Variants in GRID2 observed in about 807,000 individuals in gnomAD.
The protein encoded by GRID2 is glutamate receptor ionotropic, delta-2.
A neutral mutation model predicts 114.8 loss-of-function variants in GRID2; 33 were observed. The ratio of observed to expected loss-of-function variants is 0.29; its 90% CI spans 0.22 to 0.38. The LOEUF (loss-of-function observed/expected upper bound fraction) is 0.38. Ranked by LOEUF, GRID2 falls within the 10% of genes least tolerant of loss-of-function variation. The pLI is 1.00. For synonymous variants in GRID2, 505 were observed against 449.9 expected, an observed-to-expected ratio of 1.12 and a Z score of -1.55; for missense variants, 1,184 against 1,257.7, an observed-to-expected ratio of 0.94 and a Z score of 0.89.
intron 14 of GRID2, among the ~76,000 whole-genome samples, chr4:93,719,404 CTT>C (rs910068307): frequency 6.8e-6 from 1 of 146,706 alleles, no homozygotes; most frequent in African/African-American, 2.5e-5. Flanking sequence ...ATCCAAGGGA[CTT>C]TTTTTTTTAA....
chr4:93,481,828 C>A (rs899523073), intron 11 of GRID2, among the ~76,000 whole-genome samples: 1 of 151,854 alleles, frequency 6.6e-6, no homozygotes, highest in Non-Finnish European at 1.5e-5. Flanking sequence ...TGGAGAGGGA[C>A]AGCAAAAATG....
chr4:92,557,063 A>C (rs1224615706), intron 1 of GRID2, among the ~76,000 whole-genome samples: 1 of 152,190 alleles, frequency 6.6e-6, no homozygotes, highest in East Asian at 1.9e-4. Context: ...TTAATTTTAT[A>C]AGGAGAAACC....
chr4:93,692,937 C>T (rs1486820706), intron 14 of GRID2, among the ~76,000 whole-genome samples: 1 of 152,066 alleles, frequency 6.6e-6, no homozygotes, highest in African/African-American at 2.4e-5. Flanking sequence ...TTATGATTGC[C>T]TACAAGTATC....
At chr4:92,321,358 G>A (rs1726305088) in intron 1 of GRID2, among the ~76,000 whole-genome samples, 1 of 152,220 alleles carries the variant, frequency 6.6e-6, no homozygotes, top group Non-Finnish European at 1.5e-5. Flanking sequence ...AGCAGAGGCA[G>A]TGTGCTTGTG....
At chr4:93,682,578 A>G (rs1437453106) in intron 14 of GRID2, among the ~76,000 whole-genome samples, 1 of 152,166 alleles carries the variant, frequency 6.6e-6, no homozygotes, top group Non-Finnish European at 1.5e-5. Context: ...TGGGACATAT[A>G]CACCATGGAA....
intron 4 of GRID2, among the ~76,000 whole-genome samples, chr4:93,205,164 A>C (rs947966304): frequency 4.6e-5 from 7 of 152,144 alleles, no homozygotes; most frequent in African/African-American, 1.7e-4. Flanking sequence ...TGTTTAAAGT[A>C]AAACAATCAG....
intron 2 of GRID2, among the ~76,000 whole-genome samples, chr4:92,632,673 A>G (rs1730864719): frequency 6.6e-6 from 1 of 151,786 alleles, no homozygotes; most frequent in Non-Finnish European, 1.5e-5. Flanking sequence ...GAAGTGAAGA[A>G]AGGAAAGGAA....
intron 2 of GRID2, among the ~76,000 whole-genome samples, chr4:92,626,930 G>T (rs969981412): frequency 2.0e-5 from 3 of 151,900 alleles, no homozygotes; most frequent in African/African-American, 7.3e-5. Flanking sequence ...CAACCAGCCA[G>T]AATCAGGAGA....
intron 7 of GRID2, among the ~76,000 whole-genome samples, chr4:93,231,271 A>G (rs923305413): frequency 1.3e-5 from 2 of 151,574 alleles, no homozygotes; most frequent in East Asian, 1.9e-4. Context: ...TACTGAAACA[A>G]TTTTCAACAG....
chr4:92,546,412 A>G (rs1726263800), intron 1 of GRID2, among the ~76,000 whole-genome samples: 1 of 152,176 alleles, frequency 6.6e-6, no homozygotes. Context: ...ACGGCCCATA[A>G]AAAGAGTGTT....
intron 14 of GRID2, among the ~76,000 whole-genome samples, chr4:93,723,160 T>A (rs1729539791): frequency 6.6e-6 from 1 of 152,348 alleles, no homozygotes; most frequent in East Asian, 1.9e-4. Flanking sequence ...TTTTCCATAG[T>A]GTTTTATACC....
At chr4:93,308,310 A>G (rs1227441928) in intron 8 of GRID2, among the ~76,000 whole-genome samples, 1 of 152,138 alleles carries the variant, frequency 6.6e-6, no homozygotes, top group Non-Finnish European at 1.5e-5. Flanking sequence ...GTGGTTTCGA[A>G]AGTGTCTAGC....
chr4:93,141,748 A>G (rs1157387875), intron 4 of GRID2, among the ~76,000 whole-genome samples: 2 of 152,224 alleles, frequency 1.3e-5, no homozygotes, highest in Non-Finnish European at 2.9e-5. Flanking sequence ...GCTTTGGAAC[A>G]TGGCTTGTGA....
intron 1 of GRID2, among the ~76,000 whole-genome samples, chr4:92,493,931 G>A (rs1388460250): frequency 2.0e-5 from 3 of 152,140 alleles, no homozygotes; most frequent in Non-Finnish European, 2.9e-5. Context: ...TTTAGTTTAC[G>A]TATAAGACAC....
intron 8 of GRID2, among the ~76,000 whole-genome samples, chr4:93,306,573 GA>G (rs1755448088): frequency 6.6e-6 from 1 of 152,186 alleles, no homozygotes; most frequent in African/African-American, 2.4e-5. Context: ...TGAGATGAAA[GA>G]AAGATAGGAA....
At chr4:93,181,443 C>T (rs1341611007) in intron 4 of GRID2, among the ~76,000 whole-genome samples, 1 of 152,128 alleles carries the variant, frequency 6.6e-6, no homozygotes. Flanking sequence ...CTGGCTTCAA[C>T]TTAAAGTCAT....
At chr4:93,187,295 G>A (rs1403868276) in intron 4 of GRID2, among the ~76,000 whole-genome samples, 1 of 149,624 alleles carries the variant, frequency 6.7e-6, no homozygotes, top group Non-Finnish European at 1.5e-5. Context: ...TTTCTTTTTT[G>A]AGATGGAGTC....
chr4:92,922,294 C>G (rs1014399487), intron 2 of GRID2, among the ~76,000 whole-genome samples: 22 of 152,170 alleles, frequency 1.4e-4, no homozygotes, highest in African/African-American at 4.6e-4. Context: ...TTGCGCTTCC[C>G]TGGTGAGGCA....
chr4:92,595,543 C>T (rs1728909941), intron 2 of GRID2, among the ~76,000 whole-genome samples: 1 of 151,902 alleles, frequency 6.6e-6, no homozygotes, highest in African/African-American at 2.4e-5. Context: ...GTGTTGATTA[C>T]CCATTGCTCT....
Sources: allele counts gnomAD v4.1 joint callset (sites outside exome capture counted in the v4.1 genomes callset), GRCh38; gene constraint gnomAD v4.1.1; transcripts MANE v1.5; gene names NCBI Gene and HGNC (gene_info 2026-07-23, HGNC 2026-07-21).